Variants in CTNNA2 observed in about 807,000 individuals in gnomAD.
CTNNA2 encodes the protein catenin alpha 2.
Under a neutral mutation model 101.0 loss-of-function variants are expected in CTNNA2, and 42 were observed. That is an observed-to-expected ratio of 0.42 (90% CI 0.32 to 0.54). CTNNA2 has a LOEUF of 0.54. Among genes scored for constraint, CTNNA2 ranks in the 20% least tolerant of loss-of-function variants. CTNNA2 has a pLI of 0.14. For synonymous variants in CTNNA2, 450 were observed against 456.4 expected, an observed-to-expected ratio of 0.99 and a Z score of 0.18; for missense variants, 871 against 1,223.1, an observed-to-expected ratio of 0.71 and a Z score of 4.29.
At chr2:79,340,628 T>C (rs370406477) in intron 3 of CTNNA2, among the ~76,000 whole-genome samples, 23 of 151,938 alleles carry the variant, frequency 1.5e-4, no homozygotes, top group African/African-American at 4.6e-4. Flanking sequence ...GGTCAGGAGA[T>C]AGAGACCGTC....
At position 80,544,882 on chromosome 2, in the gene CTNNA2, C is replaced by G; in HGVS notation, c.1291-100C>G. ...CCCTTATCTTATTTCTGAAAGAATTCTCCTGGAAGAGACATCTGCCAGAGA... is the reference window on the plus strand; with the variant it reads ...CCCTTATCTTATTTCTGAAAGAATTGTCCTGGAAGAGACATCTGCCAGAGA... On this transcript the variant is annotated intron_variant, in intron 9 of 18. Transcript: ENST00000402739. The G allele has an allele frequency of 3.2e-6, 3 of 950,338 alleles. No individual in the cohort carries two copies. The East Asian group carries it at 7.9e-5, about 25-fold the overall frequency. 58.9% of individuals were successfully genotyped at this position (950,338 alleles called of 1,614,324 possible). A position where few individuals can be genotyped will look rare whatever the true frequency, so the allele number is the denominator to read the frequency against.
At chr2:80,141,240 G>A (rs897942367) in intron 7 of CTNNA2, among the ~76,000 whole-genome samples, 1 of 151,936 alleles carries the variant, frequency 6.6e-6, no homozygotes, top group Non-Finnish European at 1.5e-5. Flanking sequence ...CACCAAGAAA[G>A]AAAGCCCTCA....
At chr2:79,385,494 T>TATTTA (rs1678088622) in intron 4 of CTNNA2, among the ~76,000 whole-genome samples, 1 of 145,994 alleles carries the variant, frequency 6.8e-6, no homozygotes, top group African/African-American at 2.5e-5. Flanking sequence ...TTAAATAGGG[T>TATTTA]CTTTATTTTA....
intron 1 of CTNNA2, among the ~76,000 whole-genome samples, chr2:79,530,323 A>T (rs1014393959): frequency 1.3e-5 from 2 of 152,170 alleles, no homozygotes; most frequent in African/African-American, 4.8e-5. Context: ...AGGATGCCTC[A>T]CTTCTCCAGC....
intron 7 of CTNNA2, among the ~76,000 whole-genome samples, chr2:79,948,701 G>T (rs993725412): frequency 3.9e-5 from 6 of 152,176 alleles, no homozygotes; most frequent in African/African-American, 1.4e-4. Context: ...GGGTGCGGTG[G>T]CTCACGCCTG....
At chr2:80,333,883 A>G (rs1176544220) in intron 7 of CTNNA2, among the ~76,000 whole-genome samples, 1 of 152,144 alleles carries the variant, frequency 6.6e-6, no homozygotes, top group Non-Finnish European at 1.5e-5. Flanking sequence ...TCAGCCTCCC[A>G]AAGTGCTGGG....
At chr2:79,459,811 TCTC>T (rs1236288771) in intron 4 of CTNNA2, among the ~76,000 whole-genome samples, 3 of 152,136 alleles carry the variant, frequency 2.0e-5, no homozygotes, top group Non-Finnish European at 4.4e-5. Flanking sequence ...CAGTTCAACT[TCTC>T]CTTCTTGGTT....
chr2:80,340,009 C>A (rs1425460664), intron 7 of CTNNA2, among the ~76,000 whole-genome samples: 4 of 152,186 alleles, frequency 2.6e-5, no homozygotes, highest in Admixed American at 2.6e-4. Context: ...GGCCATTGTG[C>A]TTACAAAGTA....
At chr2:79,656,857 A>G (rs13411356) in intron 2 of CTNNA2, among the ~76,000 whole-genome samples, 29,149 of 151,738 alleles carry the variant, frequency 0.19, 3,241 homozygotes, top group East Asian at 0.5. Flanking sequence ...AAAAATTATT[A>G]GGAAATTAAG....
At chr2:80,008,963 G>C (rs1006875280) in intron 7 of CTNNA2, among the ~76,000 whole-genome samples, 21 of 152,162 alleles carry the variant, frequency 1.4e-4, no homozygotes, top group Non-Finnish European at 1.5e-5. Flanking sequence ...GACTTTCCGA[G>C]ACACTGAAAT....
intron 7 of CTNNA2, among the ~76,000 whole-genome samples, chr2:80,321,307 T>C (rs541582428): frequency 6.6e-6 from 1 of 152,290 alleles, no homozygotes; most frequent in South Asian, 2.1e-4. Context: ...AGATTTTCTA[T>C]CGTAGGGAGA....
chr2:80,371,537 A>G (rs936314761), intron 7 of CTNNA2, among the ~76,000 whole-genome samples: 5 of 149,980 alleles, frequency 3.3e-5, no homozygotes, highest in Non-Finnish European at 7.4e-5. Context: ...GGAACAAATA[A>G]TGTTTGAGGA....
intron 3 of CTNNA2, among the ~76,000 whole-genome samples, chr2:79,826,360 T>C (rs1000855583): frequency 2.6e-5 from 4 of 152,250 alleles, no homozygotes; most frequent in African/African-American, 9.6e-5. Context: ...AGAAAGGATG[T>C]ACTGGGTCAA....
rs1673419469 is a variant in CTNNA2, at chr2:79,541,496, T to TATTTAGC, written c.-6+28290_-6+28296dup. 2.0e-5 allele frequency among the ~76,000 whole-genome samples: 3 copies of TATTTAGC among 151,374 alleles called. No individual in the cohort carries two copies. In the South Asian group the frequency reaches 6.3e-4, roughly 32 times the overall value. ...TGGTAAAAATATGTACTAAAGGATA[T>TATTTAGC]ATTTAGCTACAGAGTGAAATATTTG... is the stretch of plus-strand genomic sequence containing the variant. On this transcript the variant is annotated intron_variant, in intron 1 of 18. Coordinates refer to ENST00000402739, the MANE Select transcript of CTNNA2 (RefSeq NM_001282597.3).
chr2:79,214,111 C>A (rs1674214473), intron 2 of CTNNA2, among the ~76,000 whole-genome samples: 1 of 152,070 alleles, frequency 6.6e-6, no homozygotes, highest in African/African-American at 2.4e-5. Context: ...ACACAATCAG[C>A]AGGGAGAGCA....
intron 12 of CTNNA2, among the ~76,000 whole-genome samples, chr2:80,559,861 A>G (rs538358643): frequency 4.1e-5 from 5 of 121,418 alleles, no homozygotes; most frequent in Non-Finnish European, 7.3e-5. Context: ...GTGAAAGCAC[A>G]TTCAGCGATA....
At chr2:80,095,550 A>G (rs1019406693) in intron 7 of CTNNA2, among the ~76,000 whole-genome samples, 13 of 151,996 alleles carry the variant, frequency 8.6e-5, no homozygotes, top group African/African-American at 3.1e-4. Flanking sequence ...CTCTTTTTCT[A>G]TTGATTGGAA....
chr2:79,994,106 A>C (rs894571623), intron 7 of CTNNA2, among the ~76,000 whole-genome samples: 4 of 152,036 alleles, frequency 2.6e-5, no homozygotes, highest in Non-Finnish European at 5.9e-5. Flanking sequence ...TTTTAGAGAC[A>C]GGGGTCTTAC....
intron 4 of CTNNA2, among the ~76,000 whole-genome samples, chr2:79,440,696 A>G (rs1205027312): frequency 1.3e-5 from 2 of 152,104 alleles, no homozygotes; most frequent in South Asian, 2.1e-4. Flanking sequence ...TTCATTCACT[A>G]AAGAGCCATC....
Sources: gnomAD v4.1 joint callset for allele counts (sites outside exome capture counted in the v4.1 genomes callset) on GRCh38, gnomAD v4.1.1 for gene constraint, MANE v1.5 for transcripts, NCBI Gene and HGNC (gene_info 2026-07-23, HGNC 2026-07-21) for gene names.